PPARGC1A: variants seen among roughly 807,000 people sequenced by gnomAD.
The protein encoded by PPARGC1A is peroxisome proliferator-activated receptor gamma coactivator 1-alpha.
In PPARGC1A, 25 loss-of-function variants were observed where a neutral mutation model predicts 88.7. That is an observed-to-expected ratio of 0.28 (90% CI 0.21 to 0.39). The LOEUF is 0.39. PPARGC1A is among the 10% of genes least tolerant of loss of function. The pLI, the probability that PPARGC1A is intolerant of heterozygous loss-of-function variation, is 1.00. For synonymous variants in PPARGC1A, 363 were observed against 355.6 expected (o/e 1.02, Z -0.24); for missense variants, 880 against 968.7 (o/e 0.91, Z 1.22).
At chr4:24,299,249 T>C in the PPARGC1A span, among the ~76,000 whole-genome samples, 1 of 152,192 alleles carries the variant, frequency 6.6e-6, no homozygotes. Flanking sequence ...TCAGCATGAA[T>C]CGCCACAGCT....
rs145244284 is a variant in PPARGC1A at position 23,845,985 on chromosome 4, A to G, written c.235-14234T>C. On this transcript the variant is annotated intron_variant, in intron 2 of 12. Transcript: ENST00000264867. ...ATCAGTGACTTATATGCATATCTGGAGAGCATGCACAGTGGAGAAGCATAT... is the reference window on the plus strand; with the variant it reads ...ATCAGTGACTTATATGCATATCTGGGGAGCATGCACAGTGGAGAAGCATAT... Among the ~76,000 whole-genome samples the G allele has an allele frequency of 5.0e-4, 76 of 152,284 alleles. 1 individual carries two copies. In the East Asian group the frequency reaches 0.014, roughly 27 times the overall value.
chr4:24,333,940 C>CAAAAAA, the PPARGC1A span, among the ~76,000 whole-genome samples: 36 of 13,830 alleles, frequency 2.6e-3, no homozygotes, highest in African/African-American at 6.5e-3. Flanking sequence ...ACAACAACAA[C>CAAAAAA]AAAAAAAAAA....
At chr4:24,198,576 C>T in the PPARGC1A span, among the ~76,000 whole-genome samples, 1 of 152,170 alleles carries the variant, frequency 6.6e-6, no homozygotes, top group African/African-American at 2.4e-5. Context: ...CAGTCAGGTC[C>T]CCCGTTTAAA....
the PPARGC1A span, among the ~76,000 whole-genome samples, chr4:23,910,088 AT>A: frequency 7.2e-6 from 1 of 139,656 alleles, no homozygotes; most frequent in Non-Finnish European, 1.5e-5. Flanking sequence ...ATAGGCATGT[AT>A]ATTTTACACA....
chr4:24,423,099 A>G, the PPARGC1A span, among the ~76,000 whole-genome samples: 1 of 152,186 alleles, frequency 6.6e-6, no homozygotes, highest in East Asian at 1.9e-4. Context: ...ACACACAGAC[A>G]CAAAAACATT....
the PPARGC1A span, among the ~76,000 whole-genome samples, chr4:24,049,128 A>G: frequency 2.0e-5 from 3 of 150,806 alleles, no homozygotes; most frequent in African/African-American, 7.3e-5. Flanking sequence ...ACACACATAC[A>G]TGTGTGTGCG....
the PPARGC1A span, among the ~76,000 whole-genome samples, chr4:24,465,116 G>A: frequency 7.2e-5 from 11 of 152,072 alleles, no homozygotes; most frequent in African/African-American, 1.4e-4. Flanking sequence ...TCCTCCTGCC[G>A]CAGCCTCCTG....
the PPARGC1A span, among the ~76,000 whole-genome samples, chr4:24,337,040 T>C: frequency 6.6e-6 from 1 of 152,254 alleles, no homozygotes; most frequent in South Asian, 2.1e-4. Flanking sequence ...TCAAAGGTTA[T>C]GAATGCTTTT....
chr4:23,999,368 C>T, the PPARGC1A span, among the ~76,000 whole-genome samples: 1 of 152,182 alleles, frequency 6.6e-6, no homozygotes, highest in African/African-American at 2.4e-5. Context: ...AGAGAATTGT[C>T]ATTAACTTGG....
the PPARGC1A span, among the ~76,000 whole-genome samples, chr4:24,376,286 G>T: frequency 3.2e-3 from 481 of 152,230 alleles, 6 homozygotes; most frequent in African/African-American, 0.011. Flanking sequence ...GGTATTTACC[G>T]CAAGTCCTAT....
the PPARGC1A span, among the ~76,000 whole-genome samples, chr4:24,368,864 A>C: frequency 6.6e-6 from 1 of 152,126 alleles, no homozygotes; most frequent in Non-Finnish European, 1.5e-5. Flanking sequence ...GGGAGATGGC[A>C]ATTTTCTTGT....
At chr4:24,242,180 A>C in the PPARGC1A span, among the ~76,000 whole-genome samples, 1 of 152,152 alleles carries the variant, frequency 6.6e-6, no homozygotes, top group Admixed American at 6.6e-5. Flanking sequence ...ACCACAGCCG[A>C]GTGACAGTTC....
chr4:24,116,304 C>G, the PPARGC1A span, among the ~76,000 whole-genome samples: 2 of 152,140 alleles, frequency 1.3e-5, no homozygotes, highest in African/African-American at 4.8e-5. Context: ...CATAGTTAAC[C>G]CTTTACCCTT....
chr4:23,930,182 A>G, the PPARGC1A span, among the ~76,000 whole-genome samples: 2 of 152,204 alleles, frequency 1.3e-5, no homozygotes, highest in Admixed American at 1.3e-4. Context: ...ATTCACACAG[A>G]AAGAATATTT....
intron 1 of PPARGC1A, 75 bp from the exon 2 acceptor site, chr4:23,885,006 T>A: frequency 7.6e-7 from 1 of 1,308,228 alleles, no homozygotes; most frequent in Non-Finnish European, 1.0e-6. Flanking sequence ...CAATAGCATG[T>A]GATAGGAATT....
chr4:24,414,530 T>A, the PPARGC1A span, among the ~76,000 whole-genome samples: 1 of 152,130 alleles, frequency 6.6e-6, no homozygotes, highest in Non-Finnish European at 1.5e-5. Flanking sequence ...AATTATATGA[T>A]CACCCTAGTT....
At chr4:23,863,108 C>T (rs1731533195) in intron 2 of PPARGC1A, among the ~76,000 whole-genome samples, 1 of 152,154 alleles carries the variant, frequency 6.6e-6, no homozygotes, top group Non-Finnish European at 1.5e-5. Flanking sequence ...AACATCCAAC[C>T]TATCACTTAA....
At chr4:24,073,167 A>G in the PPARGC1A span, among the ~76,000 whole-genome samples, 1 of 151,980 alleles carries the variant, frequency 6.6e-6, no homozygotes, top group South Asian at 2.1e-4. Context: ...TCAGCCTCCC[A>G]AGTAGCTGGG....
chr4:23,795,972 C>CATT, intron 12 of PPARGC1A, 47 bp from the exon 13 acceptor site: 1 of 1,282,034 alleles, frequency 7.8e-7, no homozygotes, highest in African/African-American at 1.5e-5. Context: ...TGCTGATGGC[C>CATT]ATTAACTCAA....
Sources: allele counts gnomAD v4.1 joint callset (sites outside exome capture counted in the v4.1 genomes callset), GRCh38; gene constraint gnomAD v4.1.1; transcripts MANE v1.5; gene names NCBI Gene and HGNC (gene_info 2026-07-23, HGNC 2026-07-21).